CIB2: variants seen among roughly 807,000 people sequenced by gnomAD.
CIB2 encodes the protein calcium and integrin-binding family member 2.
Under a neutral mutation model 23.1 loss-of-function variants are expected in CIB2, and 19 were observed. The observed-to-expected ratio is 0.82, with a 90% confidence interval of 0.57 to 1.21. CIB2 has a LOEUF of 1.21. Among genes scored for constraint, CIB2 ranks in the 50% most tolerant of loss-of-function variants. CIB2 has a pLI of 0.00. For missense variants in CIB2, 220 were observed against 241.5 expected (o/e 0.91, Z 0.59); for synonymous variants, 94 against 91.7 (o/e 1.03, Z -0.14).
chr15:78,111,386 AC>A, intron 2 of CIB2, 110 bp from the exon 3 acceptor site: 1 of 841,174 alleles, frequency 1.2e-6, no homozygotes, highest in Non-Finnish European at 1.9e-6. Context: ...CTCAGCCAGG[AC>A]CAGGTAAGGG....
intron 2 of CIB2, among the ~76,000 whole-genome samples, chr15:78,112,690 G>T (rs1444749386): frequency 6.6e-6 from 1 of 152,208 alleles, no homozygotes; most frequent in Non-Finnish European, 1.5e-5. Flanking sequence ...GAATGGATTA[G>T]GTATGACCCT....
chr15:78,108,881 C>A (rs1272013838), intron 4 of CIB2, among the ~76,000 whole-genome samples: 1 of 150,962 alleles, frequency 6.6e-6, no homozygotes, highest in African/African-American at 2.5e-5. Context: ...AAGCTCTGCG[C>A]TTCCCTGTGT....
intron 1 of CIB2, among the ~76,000 whole-genome samples, chr15:78,123,977 T>TG (rs1453396966): frequency 6.6e-6 from 1 of 151,980 alleles, no homozygotes; most frequent in Non-Finnish European, 1.5e-5. Context: ...TAGTGCATGG[T>TG]GGGGGGCTGT....
intron 1 of CIB2, among the ~76,000 whole-genome samples, chr15:78,127,693 G>A (rs2074399300): frequency 6.6e-6 from 1 of 152,130 alleles, no homozygotes; most frequent in South Asian, 2.1e-4. Context: ...CAGCTGTCAG[G>A]AGCCGAGCCA....
At chr15:78,108,239 A>C (rs1272651564) in intron 4 of CIB2, among the ~76,000 whole-genome samples, 1 of 151,894 alleles carries the variant, frequency 6.6e-6, no homozygotes, top group Non-Finnish European at 1.5e-5. Flanking sequence ...AGAAAAAAGA[A>C]AGCAAAATGT....
At chr15:78,109,192 TC>T in intron 4 of CIB2, 42 bp downstream of exon 4, 1 of 1,241,540 alleles carries the variant, frequency 8.1e-7, no homozygotes. Flanking sequence ...CCCCACATGT[TC>T]CCCCACCGCA....
Position 78,112,902 on chromosome 15 carries a change from C to T in CIB2, c.87-1626G>A, listed in dbSNP as rs141117043. On this transcript the variant is annotated intron_variant, in intron 2 of 5. Transcript: ENST00000258930. ...TTAGCAAGGCACCTGACTACTTACC[C>T]AGCTCAAACAGATAATAACACCAGC... is the stretch of plus-strand genomic sequence containing the variant. Among the ~76,000 whole-genome samples the T allele has an allele frequency of 6.0e-3, 907 of 152,322 alleles. 12 individuals are homozygous for T. Among genetic ancestry groups the T allele is most frequent in the African/African-American group, 0.021 (864 of 41,572 alleles).
At chr15:78,118,588 C>CA (rs56911890) in intron 2 of CIB2, among the ~76,000 whole-genome samples, 21,972 of 102,258 alleles carry the variant, frequency 0.21, 2,003 homozygotes, top group Middle Eastern at 0.31. Context: ...GACTCCGTCT[C>CA]AAAAAAAAAA....
chr15:78,105,402 A>G (rs901016868), intron 5 of CIB2, 70 bp from the exon 6 acceptor site: 17 of 1,607,136 alleles, frequency 1.1e-5, no homozygotes, highest in Non-Finnish European at 1.4e-5. Flanking sequence ...CCTCAGGGAA[A>G]AGCACAGCAG....
intron 1 of CIB2, among the ~76,000 whole-genome samples, chr15:78,129,462 C>G (rs1567061119): frequency 6.6e-6 from 1 of 152,204 alleles, no homozygotes; most frequent in East Asian, 1.9e-4. Flanking sequence ...CCCCTGCCCA[C>G]TCCCAAGCCT....
At chr15:78,107,886 G>A (rs1232605518) in intron 4 of CIB2, among the ~76,000 whole-genome samples, 3 of 152,144 alleles carry the variant, frequency 2.0e-5, no homozygotes, top group South Asian at 2.1e-4. Flanking sequence ...AAAGTGAAAC[G>A]TCAGTCTGGG....
At chr15:78,111,982 C>G (rs564420302) in intron 2 of CIB2, among the ~76,000 whole-genome samples, 203 of 152,290 alleles carry the variant, frequency 1.3e-3, no homozygotes, top group African/African-American at 4.6e-3. Context: ...AACTCTCTAA[C>G]TGGGGGCCAT....
At chr15:78,123,986 G>A (rs749415477) in intron 1 of CIB2, among the ~76,000 whole-genome samples, 9 of 152,312 alleles carry the variant, frequency 5.9e-5, no homozygotes, top group Non-Finnish European at 8.8e-5. Flanking sequence ...GTGGGGGGCT[G>A]TAGCATGCTT....
Position 78,105,317 on chromosome 15 carries a change from C to T in CIB2, c.558G>A (p.Arg186=). Residue 186 remains arginine, a synonymous_variant, in exon 6 of 6, where the codon CGG becomes CGA. Transcript: ENST00000258930. ...TACAGCCTCGGCAGTGTCCTCAGAT[C>T]CGGATGTGGAAAGTGCTAGAAAGAG... ...APDFLSTFHI[R]I The T allele has an allele frequency of 6.2e-7, 1 of 1,613,998 alleles. No individual in the cohort carries two copies. The highest frequency in any genetic ancestry group is 1.3e-5 in the African/African-American group (1 of 75,004).
chr15:78,129,481 G>A (rs1371462653), intron 1 of CIB2, among the ~76,000 whole-genome samples: 2 of 152,180 alleles, frequency 1.3e-5, no homozygotes, highest in East Asian at 1.9e-4. Flanking sequence ...CTTTATCCAC[G>A]CTGTCCCCTC....
chr15:78,116,472 A>C (rs993394736), intron 2 of CIB2, among the ~76,000 whole-genome samples: 9 of 151,990 alleles, frequency 5.9e-5, no homozygotes, highest in Non-Finnish European at 1.3e-4. Flanking sequence ...GACAAAAAAA[A>C]AAAAAAATTA....
intron 2 of CIB2, among the ~76,000 whole-genome samples, chr15:78,115,293 T>G (rs987006014): frequency 6.6e-6 from 1 of 152,218 alleles, no homozygotes; most frequent in Non-Finnish European, 1.5e-5. Flanking sequence ...AGTCTCGCTC[T>G]TTCGCCCAGG....
At chr15:78,123,876 T>G in intron 1 of CIB2, 137 bp from the exon 2 acceptor site, 1 of 969,424 alleles carries the variant, frequency 1.0e-6, no homozygotes, top group Non-Finnish European at 1.6e-6. Context: ...CCTTTCCACC[T>G]TGCCCTCACC....
chr15:78,121,351 C>T (rs1012211828), intron 2 of CIB2, among the ~76,000 whole-genome samples: 16 of 152,274 alleles, frequency 1.1e-4, no homozygotes, highest in Middle Eastern at 3.4e-3. Context: ...CTGATGCGTG[C>T]AGAGGGGTGC....
Sources: gnomAD v4.1 joint callset for allele counts (sites outside exome capture counted in the v4.1 genomes callset) on GRCh38, gnomAD v4.1.1 for gene constraint, MANE v1.5 for transcripts, NCBI Gene and HGNC (gene_info 2026-07-23, HGNC 2026-07-21) for gene names.